ZNF823: variants seen among roughly 807,000 people sequenced by gnomAD.
The protein encoded by ZNF823 is zinc finger protein 823.
Under a neutral mutation model 11.4 loss-of-function variants are expected in ZNF823, and 5 were observed. That is an observed-to-expected ratio of 0.44 (90% CI 0.23 to 0.92). The LOEUF (loss-of-function observed/expected upper bound fraction) is 0.92, where lower values mean the gene tolerates loss of function less well. ZNF823 is among the 40% of genes least tolerant of loss of function. The probability of loss-of-function intolerance (pLI) is 0.24; values close to 1 mark genes in which losing one functional copy is unlikely to be tolerated. For missense variants in ZNF823, 582 were observed against 738.5 expected (o/e 0.79, Z 2.46); for synonymous variants, 234 against 250.5 (o/e 0.93, Z 0.62).
chr19:11,724,849 C>T (rs536054824), intron 2 of ZNF823, among the ~76,000 whole-genome samples: 59 of 152,106 alleles, frequency 3.9e-4, no homozygotes, highest in African/African-American at 9.6e-4. Flanking sequence ...TGTGAGTCAC[C>T]GCACCCGGCC....
chr19:11,734,322 G>A (rs1422816030), intron 1 of ZNF823, among the ~76,000 whole-genome samples: 1 of 151,832 alleles, frequency 6.6e-6, no homozygotes, highest in African/African-American at 2.4e-5. Flanking sequence ...ACAAACAGCT[G>A]AATGCAGTGT....
intron 1 of ZNF823, among the ~76,000 whole-genome samples, chr19:11,727,482 C>T (rs1204087735): frequency 6.6e-6 from 1 of 152,028 alleles, no homozygotes; most frequent in Non-Finnish European, 1.5e-5. Flanking sequence ...TGCACTCCAG[C>T]CTGGAGACAG....
At chr19:11,727,914 G>A (rs983492278) in intron 1 of ZNF823, among the ~76,000 whole-genome samples, 2 of 150,324 alleles carry the variant, frequency 1.3e-5, no homozygotes, top group African/African-American at 2.4e-5. Flanking sequence ...TGAGACGGGA[G>A]TCTCGCTCTG....
At position 11,721,889 on chromosome 19, in the gene ZNF823, GA is replaced by G. The variant is rs776977564; in HGVS notation, c.1644del (p.His549ThrfsTer44). ...WLTCLLRHER[I>X]HTGEKPYECL... ...CATTCATAGGGTTTCTCTCCAGTGT[GA>G]ATTCTTTCATGTCGTAGAAGGCAAG... On this transcript the variant is annotated frameshift_variant, in exon 4 of 4. Transcript: ENST00000341191. LOFTEE classifies it low-confidence loss of function (END_TRUNC). The G allele has an allele frequency of 1.9e-6, 3 of 1,613,982 alleles. No homozygotes were observed. Among genetic ancestry groups the G allele is most frequent in the African/African-American group, 1.3e-5 (1 of 74,896 alleles).
Position 11,723,271 on chromosome 19 carries a change from A to G in ZNF823, c.263T>C (p.Val88Ala), listed in dbSNP as rs779964963. ...ETFGQIPDSI[V>A]NKNTPRVNPC... ...ATTTACTCGAGGAGTGTTCTTGTTCACAATACTATCTGGAATCTGGCCAAA... is the reference window on the plus strand; with the variant it reads ...ATTTACTCGAGGAGTGTTCTTGTTCGCAATACTATCTGGAATCTGGCCAAA... The change falls in exon 4 of 4, where the codon GTG (valine) becomes GCG (alanine). Residue 88 changes from valine to alanine, a missense_variant. Val to Ala is a moderately conservative substitution (Grantham distance 64, BLOSUM62 0). This residue lies in a region of ZNF823 where 429 missense variants were observed against 553.7 expected (regional missense o/e 0.77). Transcript: ENST00000341191. 27 of 1,613,868 alleles carry G rather than the reference A, an allele frequency of 1.7e-5. No individual in the cohort carries two copies. The East Asian group carries it at 4.2e-4, about 25-fold the overall frequency.
chr19:11,735,274 C>CAAAAAAA (rs1386385553), intron 1 of ZNF823, among the ~76,000 whole-genome samples: 23 of 55,804 alleles, frequency 4.1e-4, no homozygotes, highest in African/African-American at 1.2e-3. Flanking sequence ...GACTCCATTT[C>CAAAAAAA]AAAAAACAAA....
In ZNF823 at chr19:11,722,598, C is replaced by T. The variant is rs757425604; in HGVS notation, c.936G>A (p.Thr312=). The change falls in exon 4 of 4, where the codon ACG becomes ACA. Residue 312 remains threonine, a synonymous_variant. Coordinates refer to ENST00000341191, the MANE Select transcript of ZNF823 (RefSeq NM_001080493.4). This position sits in a 1 kb window ranked among gnomAD's most constrained non-coding sequence, Gnocchi z 5.2. The part of the protein sequence containing the change: ...QPYACKQCGK[T]FYHHTSFRRH... ...TTCGAAAGCTTGTGTGATGATAAAA[C>T]GTTTTCCCACATTGCTTACATGCAT... is the stretch of plus-strand genomic sequence containing the variant. 5.1e-5 allele frequency: 83 copies of T among 1,613,778 alleles called. No individual in the cohort carries two copies. In the African/African-American group the frequency reaches 5.5e-4, roughly 11 times the overall value.
Position 11,721,902 on chromosome 19 carries a change from T to C in ZNF823, c.1632A>G (p.Arg544=). ...TCTCTCCAGTGTGAATTCTTTCATG[T>C]CGTAGAAGGCAAGTGAGCCAAGAGA... ...KAFSWLTCLL[R]HERIHTGEKP... is the part of the protein sequence containing the mutation. The change falls in exon 4 of 4, where the codon CGA becomes CGG. Residue 544 remains arginine (R), a synonymous_variant. Transcript: ENST00000341191. The C allele has an allele frequency of 6.2e-7, 1 of 1,613,898 alleles. No individual in the cohort carries two copies. Among genetic ancestry groups the C allele is most frequent in the Non-Finnish European group, 8.5e-7 (1 of 1,179,936 alleles).
chr19:11,735,281 C>CAAA (rs60923876), intron 1 of ZNF823, among the ~76,000 whole-genome samples: 27 of 99,360 alleles, frequency 2.7e-4, no homozygotes, highest in African/African-American at 6.2e-4. Flanking sequence ...TTTCAAAAAA[C>CAAA]AAAAAAAAAA....
At chr19:11,731,050 C>T (rs944502910) in intron 1 of ZNF823, among the ~76,000 whole-genome samples, 1 of 150,090 alleles carries the variant, frequency 6.7e-6, no homozygotes, top group South Asian at 2.1e-4. Flanking sequence ...AGGTGGCTCA[C>T]GCCTGTAATC....
chr19:11,726,287 C>CATATATAT lies in ZNF823; in HGVS notation c.4-968_4-961dup, dbSNP rs139368397. 1.3e-4 allele frequency among the ~76,000 whole-genome samples: 15 copies of CATATATAT among 112,248 alleles called. 1 individual carries two copies. The highest frequency in any genetic ancestry group is 3.0e-4 in the Admixed American group (3 of 9,964). 73.6% of individuals were successfully genotyped at this position (112,248 alleles called of 152,430 possible). On this transcript the variant is annotated intron_variant, in intron 1 of 3. Coordinates refer to ENST00000341191, the MANE Select transcript of ZNF823 (RefSeq NM_001080493.4). Reference sequence around the variant, plus strand: ...AGTAAAAAACAAAAAATAAAAAATACATATATATATATATATATATAAATT... The same window carrying CATATATAT: ...AGTAAAAAACAAAAAATAAAAAATACATATATATATATATATATATATATATATAAATT...
intron 2 of ZNF823, among the ~76,000 whole-genome samples, chr19:11,724,691 T>C (rs1216514100): frequency 6.6e-6 from 1 of 151,768 alleles, no homozygotes; most frequent in Non-Finnish European, 1.5e-5. Context: ...CCCGAGTAGC[T>C]GGGGCTACAG....
At chr19:11,727,055 G>A (rs1231117072) in intron 1 of ZNF823, among the ~76,000 whole-genome samples, 7 of 152,118 alleles carry the variant, frequency 4.6e-5, no homozygotes, top group Non-Finnish European at 8.8e-5. Context: ...AATGACAAAG[G>A]AGGAGGAAAG....
At position 11,722,067 on chromosome 19, in the gene ZNF823, AT is replaced by A; in HGVS notation, c.1466del (p.His489LeufsTer7). The stretch of plus-strand genomic sequence containing the variant: ...GTTTTTCTACTGTGTGGGTCCTTTT[AT>A]GTTGAGAAAGGTATTTGAAACAACT... ...AFSCFKYLSQHKRTHTVEKPY... is the reference protein window; with the variant it reads ...AFSCFKYLSQXKRTHTVEKPY... On this transcript the variant is annotated frameshift_variant, in exon 4 of 4. Coordinates refer to ENST00000341191, the MANE Select transcript of ZNF823 (RefSeq NM_001080493.4). LOFTEE classifies it low-confidence loss of function (END_TRUNC). The surrounding 1 kb of genome is among the most constrained non-coding windows in gnomAD (Gnocchi z 5.2). The A allele has an allele frequency of 6.2e-7, 1 of 1,612,284 alleles. No individual in the cohort carries two copies. The highest frequency in any genetic ancestry group is 8.5e-7 in the Non-Finnish European group (1 of 1,179,604).
At chr19:11,729,623 G>A (rs1974856860) in intron 1 of ZNF823, among the ~76,000 whole-genome samples, 2 of 152,106 alleles carry the variant, frequency 1.3e-5, no homozygotes, top group South Asian at 4.1e-4. Flanking sequence ...TGCTTCCTCT[G>A]TGTCTTACCT....
rs1200163145 is a variant in ZNF823, at chr19:11,721,675, T to C, written c.*26A>G. ...TTTCAAGTTTCTGAAATTAAAGTAC[T>C]GAATGTTTTCCCACATTCCATACAT... On this transcript the variant is annotated 3_prime_UTR_variant, in exon 4 of 4. Transcript: ENST00000341191. The C allele has an allele frequency of 3.2e-6, 5 of 1,562,018 alleles. No individual in the cohort carries two copies. The highest frequency in any genetic ancestry group is 1.9e-5 in the Admixed American group (1 of 52,006).
intron 1 of ZNF823, among the ~76,000 whole-genome samples, chr19:11,735,287 A>C (rs1284849702): frequency 1.3e-5 from 2 of 151,456 alleles, no homozygotes. Flanking sequence ...AAAACAAAAA[A>C]AAAAAAAAAA....
In ZNF823 at chr19:11,732,466, T is replaced by C. The variant is rs187011085; in HGVS notation, c.3+6351A>G. ...AGGCATGAGCCACCGCGCCCGGCCA[T>C]TTTTTTGTATTTTTAGTAGAAACGG... is the stretch of plus-strand genomic sequence containing the variant. On this transcript the variant is annotated intron_variant, in intron 1 of 3. Transcript: ENST00000341191. Among the ~76,000 whole-genome samples, 4 of 139,310 alleles carry C rather than the reference T, an allele frequency of 2.9e-5. No homozygotes were observed. In the East Asian group the frequency reaches 8.8e-4, roughly 31 times the overall value. The allele number at this position is 139,310 out of a possible 152,430, so 91.4% of individuals were successfully genotyped here. A position where few individuals can be genotyped will look rare whatever the true frequency, so the allele number is the denominator to read the frequency against.
chr19:11,738,756 G>A, intron 1 of ZNF823, 61 bp downstream of exon 1: 2 of 1,564,266 alleles, frequency 1.3e-6, no homozygotes, highest in Non-Finnish European at 1.7e-6. Flanking sequence ...CTCACGGTCG[G>A]TTCCGGCCGG....
Sources: gnomAD v4.1 joint callset for allele counts (sites outside exome capture counted in the v4.1 genomes callset) on GRCh38, gnomAD v4.1.1 for gene constraint, gnomAD v4.1.1 regional missense constraint, Gnocchi (gnomAD v3.1) non-coding constraint, MANE v1.5 for transcripts, NCBI Gene and HGNC (gene_info 2026-07-23, HGNC 2026-07-21) for gene names.